BRD3: variants seen among roughly 807,000 people sequenced by gnomAD.
BRD3 encodes the protein bromodomain containing 3.
BRD3 carries 17 observed loss-of-function variants against 66.8 expected under a neutral mutation model. The observed-to-expected ratio is 0.25, with a 90% CI of 0.17 to 0.38. The LOEUF (loss-of-function observed/expected upper bound fraction) is 0.38, where lower values mean the gene tolerates loss of function less well. Among genes scored for constraint, BRD3 ranks in the 10% least tolerant of loss-of-function variants. The pLI, the probability that BRD3 is intolerant of heterozygous loss-of-function variation, is 1.00. For missense variants in BRD3, 713 were observed against 956.1 expected, an observed-to-expected ratio of 0.75 and a Z score of 3.35; for synonymous variants, 421 against 393.2, an observed-to-expected ratio of 1.07 and a Z score of -0.84.
At chr9:134,041,002 G>A (rs1347451950) in intron 8 of BRD3, among the ~76,000 whole-genome samples, 3 of 152,188 alleles carry the variant, frequency 2.0e-5, no homozygotes, top group Non-Finnish European at 2.9e-5. Context: ...GACAGAGGGC[G>A]GGTGGAGGAG....
Position 134,033,138 on chromosome 9 carries a change from C to T in BRD3, c.*452G>A, listed in dbSNP as rs72766608. The T allele has an allele frequency of 0.014, 5,589 of 399,744 alleles. 57 individuals carry two copies. Among genetic ancestry groups the T allele is most frequent in the Non-Finnish European group, 0.02 (4,447 of 226,818 alleles). 24.8% of individuals were successfully genotyped at this position (399,744 alleles called of 1,614,324 possible). ...CGCGTCAGACACGAGGGTCAGAGCT[C>T]GGGGCCCAAATGACAAGGACAATGC... is the stretch of plus-strand genomic sequence containing the variant. On this transcript the variant is annotated 3_prime_UTR_variant, in exon 12 of 12. Transcript: ENST00000303407. The surrounding 1 kb of genome is among the most constrained non-coding windows in gnomAD (Gnocchi z 5.1).
chr9:134,058,958 G>C (rs1830482957), intron 1 of BRD3, among the ~76,000 whole-genome samples: 1 of 152,226 alleles, frequency 6.6e-6, no homozygotes, highest in Admixed American at 6.5e-5. Context: ...CTGTGCCTTG[G>C]GCCGGTGTGC....
At chr9:134,067,052 C>T (rs759690304) in intron 1 of BRD3, among the ~76,000 whole-genome samples, 25 of 152,144 alleles carry the variant, frequency 1.6e-4, no homozygotes, top group Non-Finnish European at 3.2e-4. Flanking sequence ...TCACAGAGAG[C>T]CCACCAGGGC....
chr9:134,051,152 G>T (rs577073426), intron 4 of BRD3, among the ~76,000 whole-genome samples: 1 of 152,324 alleles, frequency 6.6e-6, no homozygotes, highest in East Asian at 1.9e-4. Context: ...AACCAGGCAG[G>T]TGATAGTGAC....
intron 1 of BRD3, among the ~76,000 whole-genome samples, chr9:134,067,624 C>T (rs995160405): frequency 1.4e-5 from 2 of 145,994 alleles, no homozygotes; most frequent in Non-Finnish European, 3.0e-5. Flanking sequence ...GCCGCGCCAA[C>T]TCCGGGCTGC....
intron 5 of BRD3, 122 bp from the exon 6 acceptor site, chr9:134,048,576 C>T (rs899522796): frequency 8.3e-6 from 12 of 1,447,896 alleles, no homozygotes; most frequent in Admixed American, 7.4e-5. Flanking sequence ...GCCACATGCA[C>T]GGCCCCACAG....
intron 1 of BRD3, among the ~76,000 whole-genome samples, chr9:134,067,163 C>G (rs1330162741): frequency 6.6e-6 from 1 of 152,242 alleles, no homozygotes; most frequent in East Asian, 1.9e-4. Flanking sequence ...AGGGGAAGCA[C>G]CCCCGTCCCT....
chr9:134,050,455 G>A lies in BRD3; in HGVS notation c.633C>T (p.Val211=), dbSNP rs1830267209. Residue 211 remains valine (V), a synonymous_variant, in exon 5 of 12, where the codon GTC becomes GTT. Coordinates refer to ENST00000303407, the MANE Select transcript of BRD3 (RefSeq NM_007371.4). ...VPTITANVTS[V]PVPPAAAPPP... ...GTGGGGCGGCAGCTGGGGGGACTGG[G>A]ACCGACGTGACGTTTGCAGTGATGG... The A allele has an allele frequency of 6.2e-7, 1 of 1,612,260 alleles. No homozygotes were observed. Among genetic ancestry groups the A allele is most frequent in the South Asian group, 1.1e-5 (1 of 90,928 alleles).
At chr9:134,035,246 A>G (rs1362350087) in intron 10 of BRD3, among the ~76,000 whole-genome samples, 1 of 151,886 alleles carries the variant, frequency 6.6e-6, no homozygotes, top group Non-Finnish European at 1.5e-5. Flanking sequence ...ACTGCCTGAC[A>G]CTCCTGAGTC....
intron 1 of BRD3, 134 bp from the exon 2 acceptor site, chr9:134,053,724 C>G: frequency 1.3e-6 from 1 of 744,874 alleles, no homozygotes; most frequent in Non-Finnish European, 2.0e-6. Flanking sequence ...CCCCCATTGC[C>G]CAGCCACCCA....
chr9:134,044,096 G>A (rs1350579252), intron 7 of BRD3, among the ~76,000 whole-genome samples: 1 of 152,240 alleles, frequency 6.6e-6, no homozygotes, highest in Non-Finnish European at 1.5e-5. Context: ...AGGCTCCAGA[G>A]GACTGGCCTT....
rs201416566 is a variant in BRD3 at position 134,040,161 on chromosome 9, T to C, written c.1516A>G (p.Lys506Glu). Residue 506 changes from lysine to glutamate, a missense_variant, in exon 9 of 12, where the codon AAG becomes GAG. Around this residue, in one of 5 missense-constraint regions of BRD3, gnomAD observed 418 missense variants for 609.3 expected, o/e 0.69. Coordinates refer to ENST00000303407, the MANE Select transcript of BRD3 (RefSeq NM_007371.4). Reference sequence around the variant, plus strand: ...TTCACTTTGTGCTTCTCCTTCTCCTTCTCCTTGTCCTTCTTCTTCTTCTCC... The same window carrying C: ...TTCACTTTGTGCTTCTCCTTCTCCTCCTCCTTGTCCTTCTTCTTCTTCTCC... ...EKEKKKKDKE[K>E]EKEKHKVKAE... 35 of 1,563,170 alleles carry C rather than the reference T, an allele frequency of 2.2e-5. No individual in the cohort carries two copies. The highest frequency in any genetic ancestry group is 2.8e-5 in the Non-Finnish European group (32 of 1,154,128).
At chr9:134,054,262 C>A (rs1029695315) in intron 1 of BRD3, 1 of 152,236 alleles carries the variant, frequency 6.6e-6, no homozygotes, top group Admixed American at 6.5e-5. Flanking sequence ...CCGACCTCCA[C>A]ACCCCAGCTG....
At chr9:134,059,541 T>C (rs1191856683) in intron 1 of BRD3, among the ~76,000 whole-genome samples, 1 of 152,212 alleles carries the variant, frequency 6.6e-6, no homozygotes, top group Admixed American at 6.5e-5. Context: ...CCCTCGCAGC[T>C]GCCCTGCGGG....
chr9:134,034,552 G>C, intron 11 of BRD3, 149 bp downstream of exon 11: 4 of 1,140,574 alleles, frequency 3.5e-6, no homozygotes, highest in Middle Eastern at 5.5e-4. Context: ...GGAAATGGAG[G>C]TTTCAGGAGC....
rs35449062 is a variant in BRD3 at position 134,030,900 on chromosome 9, G to GA, written c.*2689dup. 1 of 231,624 alleles carries GA rather than the reference G, an allele frequency of 4.3e-6. No homozygotes were observed. Among genetic ancestry groups the GA allele is most frequent in the Admixed American group, 5.6e-5 (1 of 17,708 alleles). 14.3% of individuals were successfully genotyped at this position (231,624 alleles called of 1,614,324 possible). A position where few individuals can be genotyped will look rare whatever the true frequency, so the allele number is the denominator to read the frequency against. ...GACTTGTCACTACTCCTCTCCCCTT[G>GA]AAAAAAGCATGTTAGAAGCTGCCCT... On this transcript the variant is annotated 3_prime_UTR_variant, in exon 12 of 12. Transcript: ENST00000303407.
At position 134,032,228 on chromosome 9, in the gene BRD3, TAGAA is replaced by T. The variant is rs1185364424; in HGVS notation, c.*1358_*1361del. 4.6e-6 allele frequency: 1 copy of T among 215,392 alleles called. No homozygotes were observed. Among genetic ancestry groups the T allele is most frequent in the Non-Finnish European group, 9.3e-6 (1 of 107,038 alleles). 13.3% of individuals were successfully genotyped at this position (215,392 alleles called of 1,614,324 possible). ...CTCTGTATATTATTATTTTTTACAA[TAGAA>T]AGTTAAAAATCAAGACTTAGATTTA... On this transcript the variant is annotated 3_prime_UTR_variant, in exon 12 of 12. Transcript: ENST00000303407.
At chr9:134,037,812 C>T (rs1234941041) in intron 9 of BRD3, among the ~76,000 whole-genome samples, 3 of 151,730 alleles carry the variant, frequency 2.0e-5, no homozygotes, top group Non-Finnish European at 2.9e-5. Context: ...CACAAATTAC[C>T]AATATCAGGA....
intron 3 of BRD3, 69 bp downstream of exon 3, chr9:134,052,237 C>A: frequency 6.3e-7 from 1 of 1,576,324 alleles, no homozygotes; most frequent in Non-Finnish European, 8.6e-7. Flanking sequence ...GCAAAGCGCC[C>A]AGGCCCACTG....
Sources: allele counts gnomAD v4.1 joint callset (sites outside exome capture counted in the v4.1 genomes callset), GRCh38; gene constraint gnomAD v4.1.1; regional missense constraint gnomAD v4.1.1; non-coding constraint Gnocchi (gnomAD v3.1); transcripts MANE v1.5; gene names NCBI Gene and HGNC (gene_info 2026-07-23, HGNC 2026-07-21).